The following DOCK2 variants were observed in gnomAD, a reference collection of about 807,000 sequenced individuals.
The protein encoded by DOCK2 is dedicator of cytokinesis protein 2.
Under a neutral mutation model 248.9 loss-of-function variants are expected in DOCK2, and 87 were observed. The observed-to-expected ratio is 0.35, with a 90% CI of 0.29 to 0.42. The LOEUF (loss-of-function observed/expected upper bound fraction) is 0.42. Ranked by LOEUF, DOCK2 falls within the 10% of genes least tolerant of loss-of-function variation. The pLI, the probability that DOCK2 is intolerant of heterozygous loss-of-function variation, is 1.00. For missense variants in DOCK2, 1,747 were observed against 2,300.2 expected (o/e 0.76, Z 4.92); for synonymous variants, 805 against 821.6 (o/e 0.98, Z 0.35).
chr5:169,917,902 A>G (rs1774962353), intron 27 of DOCK2, among the ~76,000 whole-genome samples: 1 of 152,232 alleles, frequency 6.6e-6, no homozygotes, highest in Non-Finnish European at 1.5e-5. Flanking sequence ...GGGACATTAA[A>G]TAAAGAATGG....
chr5:169,872,272 G>A (rs1177268440), intron 27 of DOCK2, among the ~76,000 whole-genome samples: 1 of 152,200 alleles, frequency 6.6e-6, no homozygotes, highest in East Asian at 1.9e-4. Context: ...GATGCAGCGA[G>A]AGTAGTTTGG....
At chr5:169,778,354 T>C (rs1765500608) in intron 25 of DOCK2, among the ~76,000 whole-genome samples, 1 of 152,188 alleles carries the variant, frequency 6.6e-6, no homozygotes. Flanking sequence ...CAGTGTTCAG[T>C]AGTGAGTAGT....
At chr5:169,913,552 A>T (rs1774718718) in intron 27 of DOCK2, among the ~76,000 whole-genome samples, 2 of 152,188 alleles carry the variant, frequency 1.3e-5, no homozygotes, top group Non-Finnish European at 2.9e-5. Context: ...GCTCTAGAAA[A>T]TTTGAAATAA....
intron 27 of DOCK2, among the ~76,000 whole-genome samples, chr5:169,855,488 TA>T (rs753492364): frequency 3.2e-4 from 49 of 152,222 alleles, no homozygotes; most frequent in Non-Finnish European, 5.3e-4. Context: ...TAAGGAGACT[TA>T]TTTGTAGGGG....
chr5:169,801,042 G>A (rs1319613309), intron 25 of DOCK2, among the ~76,000 whole-genome samples: 1 of 125,282 alleles, frequency 8.0e-6, no homozygotes, highest in Non-Finnish European at 1.6e-5. Flanking sequence ...TGCAATTTCT[G>A]CCTCCCTGGT....
intron 27 of DOCK2, among the ~76,000 whole-genome samples, chr5:169,900,094 C>T (rs1423802482): frequency 3.3e-5 from 5 of 152,200 alleles, no homozygotes; most frequent in Admixed American, 3.3e-4. Flanking sequence ...CTACTAAGCA[C>T]CCACTATGTG....
chr5:169,972,714 A>G (rs1392638067), intron 27 of DOCK2, among the ~76,000 whole-genome samples: 1 of 152,246 alleles, frequency 6.6e-6, no homozygotes, highest in African/African-American at 2.4e-5. Context: ...CTTACACACA[A>G]TAAGTGCTAA....
chr5:169,976,846 T>C (rs528665081), intron 27 of DOCK2, among the ~76,000 whole-genome samples: 7 of 152,212 alleles, frequency 4.6e-5, no homozygotes, highest in Non-Finnish European at 1.0e-4. Flanking sequence ...AGATGGAACA[T>C]GTCAGGGCAC....
In DOCK2 at chr5:169,779,029, G is replaced by A. The variant is rs536376829; in HGVS notation, c.2554+17404G>A. Among the ~76,000 whole-genome samples the A allele has an allele frequency of 2.8e-4, 42 of 152,358 alleles. No homozygotes were observed. The South Asian group carries it at 7.2e-3, about 26-fold the overall frequency. ...GGATGTTGATAGTGGGGAAGGCCAC[G>A]TGTGGGTGGGGACAGGGGATATATG... is the stretch of plus-strand genomic sequence containing the variant. On this transcript the variant is annotated intron_variant, in intron 25 of 51. Transcript: ENST00000520908.
At chr5:170,077,938 CT>C in intron 48 of DOCK2, 101 bp downstream of exon 48, 2 of 1,009,146 alleles carry the variant, frequency 2.0e-6, no homozygotes, top group Non-Finnish European at 1.5e-6. Flanking sequence ...CTACCTTTCC[CT>C]TCCTCCTTTC....
chr5:169,668,912 C>T (rs1244154797), intron 2 of DOCK2, among the ~76,000 whole-genome samples: 1 of 152,112 alleles, frequency 6.6e-6, no homozygotes, highest in Non-Finnish European at 1.5e-5. Flanking sequence ...GGTCACAGGG[C>T]CCAGGAAGGC....
intron 48 of DOCK2, among the ~76,000 whole-genome samples, chr5:170,078,272 G>C (rs187579358): frequency 3.6e-4 from 55 of 152,234 alleles, no homozygotes; most frequent in African/African-American, 1.3e-3. Context: ...CCCTCTGTCG[G>C]GGGTCTTCCC....
intron 30 of DOCK2, among the ~76,000 whole-genome samples, chr5:170,005,520 G>A (rs1401222635): frequency 6.6e-6 from 1 of 152,174 alleles, no homozygotes; most frequent in East Asian, 1.9e-4. Context: ...TGCCAAGCCT[G>A]TGGTGGATGC....
chr5:169,719,402 ATTGT>A (rs1354170509), intron 22 of DOCK2, among the ~76,000 whole-genome samples: 1 of 152,214 alleles, frequency 6.6e-6, no homozygotes, highest in South Asian at 2.1e-4. Flanking sequence ...TAGGTAGAGG[ATTGT>A]TTGTGTGTAA....
At chr5:169,813,695 T>C (rs1481225727) in intron 26 of DOCK2, among the ~76,000 whole-genome samples, 1 of 152,214 alleles carries the variant, frequency 6.6e-6, no homozygotes, top group Non-Finnish European at 1.5e-5. Context: ...ACACCCAACA[T>C]AGACCAAGGA....
At chr5:169,892,360 C>A (rs1200781790) in intron 27 of DOCK2, among the ~76,000 whole-genome samples, 1 of 152,268 alleles carries the variant, frequency 6.6e-6, no homozygotes, top group South Asian at 2.1e-4. Context: ...CAGCTTCTAG[C>A]ATGGAGCAGG....
At chr5:169,918,642 G>A (rs1377074886) in intron 27 of DOCK2, among the ~76,000 whole-genome samples, 1 of 152,234 alleles carries the variant, frequency 6.6e-6, no homozygotes, top group Non-Finnish European at 1.5e-5. Context: ...ACCAGGTGCA[G>A]TGGCTCATGC....
chr5:169,781,811 C>T (rs1439699262), intron 25 of DOCK2, among the ~76,000 whole-genome samples: 3 of 152,166 alleles, frequency 2.0e-5, no homozygotes, highest in African/African-American at 7.2e-5. Context: ...GGGCAGCAGT[C>T]AGGACATTGC....
chr5:169,828,284 TC>T (rs1288087873), intron 26 of DOCK2, among the ~76,000 whole-genome samples: 1 of 152,174 alleles, frequency 6.6e-6, no homozygotes, highest in African/African-American at 2.4e-5. Context: ...TTTTAAAACC[TC>T]CCTTTGCTAG....
Sources: gnomAD v4.1 joint callset for allele counts (sites outside exome capture counted in the v4.1 genomes callset) on GRCh38, gnomAD v4.1.1 for gene constraint, MANE v1.5 for transcripts, NCBI Gene and HGNC (gene_info 2026-07-23, HGNC 2026-07-21) for gene names.